MDGA2: variants seen among roughly 807,000 people sequenced by gnomAD.
The protein encoded by MDGA2 is MAM domain-containing glycosylphosphatidylinositol anchor protein 2.
A neutral mutation model predicts 117.8 loss-of-function variants in MDGA2; 40 were observed. That is an observed-to-expected ratio of 0.34 (90% CI 0.26 to 0.44). The LOEUF is 0.44. Ranked by LOEUF, MDGA2 falls within the 20% of genes least tolerant of loss-of-function variation. The pLI, the probability that MDGA2 is intolerant of heterozygous loss-of-function variation, is 1.00. For missense variants in MDGA2, 1,123 were observed against 1,250.6 expected (o/e 0.90, Z 1.54); for synonymous variants, 452 against 439.0 (o/e 1.03, Z -0.37).
chr14:47,642,436 C>T (rs917919061), intron 1 of MDGA2, among the ~76,000 whole-genome samples: 3 of 151,992 alleles, frequency 2.0e-5, no homozygotes, highest in Admixed American at 1.3e-4. Context: ...CAATAACATA[C>T]ATCCATTGAC....
chr14:47,294,414 A>T (rs2416037), intron 2 of MDGA2, among the ~76,000 whole-genome samples: 32,555 of 151,956 alleles, frequency 0.21, 4,359 homozygotes, highest in East Asian at 0.44. Flanking sequence ...GAATTTTTTT[A>T]AAAATAAATG....
chr14:47,268,715 C>A (rs1239562138), intron 2 of MDGA2, among the ~76,000 whole-genome samples: 1 of 152,084 alleles, frequency 6.6e-6, no homozygotes, highest in Non-Finnish European at 1.5e-5. Context: ...GTTTGGGTTG[C>A]ACAGTTATGT....
intron 1 of MDGA2, among the ~76,000 whole-genome samples, chr14:47,397,332 G>A (rs959163285): frequency 1.3e-5 from 2 of 152,160 alleles, no homozygotes; most frequent in Non-Finnish European, 2.9e-5. Flanking sequence ...GCCTGTCGGA[G>A]GGTGGGGACT....
At chr14:47,588,516 A>G (rs1896375667) in intron 1 of MDGA2, among the ~76,000 whole-genome samples, 2 of 151,830 alleles carry the variant, frequency 1.3e-5, no homozygotes, top group Admixed American at 6.6e-5. Flanking sequence ...GCCTATTAAC[A>G]ATCTGTGTAT....
intron 1 of MDGA2, among the ~76,000 whole-genome samples, chr14:47,649,975 TTAGTC>T (rs1396012105): frequency 6.6e-6 from 1 of 152,022 alleles, no homozygotes; most frequent in African/African-American, 2.4e-5. Context: ...TGGTCAAACT[TTAGTC>T]TAAGTGCTTC....
chr14:47,017,567 A>G (rs1594531273), intron 8 of MDGA2, among the ~76,000 whole-genome samples: 1 of 152,028 alleles, frequency 6.6e-6, no homozygotes, highest in East Asian at 1.9e-4. Context: ...ATTTATATAA[A>G]TATACGCAAT....
intron 8 of MDGA2, among the ~76,000 whole-genome samples, chr14:47,000,866 C>A (rs1298780371): frequency 6.6e-6 from 1 of 151,860 alleles, no homozygotes; most frequent in Non-Finnish European, 1.5e-5. Context: ...CTAAGTAATT[C>A]TTTGATTATT....
intron 6 of MDGA2, among the ~76,000 whole-genome samples, chr14:47,080,026 C>T (rs915438250): frequency 3.9e-5 from 6 of 152,096 alleles, no homozygotes; most frequent in Non-Finnish European, 7.4e-5. Flanking sequence ...CCACCGTGCC[C>T]GGCCTTTTCT....
intron 8 of MDGA2, among the ~76,000 whole-genome samples, chr14:46,975,136 C>T (rs1320800786): frequency 3.3e-5 from 5 of 152,058 alleles, no homozygotes; most frequent in South Asian, 4.1e-4. Flanking sequence ...ATTAAAACTA[C>T]AATGAGATGC....
intron 2 of MDGA2, among the ~76,000 whole-genome samples, chr14:47,255,984 C>G (rs1361459235): frequency 2.0e-5 from 3 of 152,004 alleles, no homozygotes; most frequent in Admixed American, 6.6e-5. Context: ...CTTCCCTTCC[C>G]CTACCCCACT....
chr14:47,291,762 A>T (rs146310212), intron 2 of MDGA2, among the ~76,000 whole-genome samples: 2,371 of 152,276 alleles, frequency 0.016, 24 homozygotes, highest in Middle Eastern at 0.027. Context: ...TCAAAGTAAG[A>T]TTTCTGCTGA....
At chr14:47,674,435 C>T in intron 1 of MDGA2, 82 bp downstream of exon 1, 5 of 1,236,610 alleles carry the variant, frequency 4.0e-6, no homozygotes, top group Middle Eastern at 1.9e-4. Context: ...GGCCCCGGAA[C>T]GGCGCGAGTC....
intron 1 of MDGA2, among the ~76,000 whole-genome samples, chr14:47,489,543 G>T (rs1372399676): frequency 6.6e-6 from 1 of 151,874 alleles, no homozygotes; most frequent in Non-Finnish European, 1.5e-5. Flanking sequence ...GCATAAACCA[G>T]GTAGTCAAAA....
intron 1 of MDGA2, among the ~76,000 whole-genome samples, chr14:47,671,107 TA>T (rs1475605041): frequency 3.3e-5 from 5 of 152,252 alleles, no homozygotes; most frequent in African/African-American, 7.2e-5. Context: ...AAATCCCACT[TA>T]AAAAATTTAT....
At chr14:47,347,931 A>G (rs908297746) in intron 1 of MDGA2, among the ~76,000 whole-genome samples, 14 of 152,178 alleles carry the variant, frequency 9.2e-5, no homozygotes, top group African/African-American at 2.9e-4. Flanking sequence ...GTGCTAGGAA[A>G]AGGTCAAGCA....
In MDGA2 at chr14:47,294,161, C is replaced by T. The variant is rs368143254; in HGVS notation, c.420+7250G>A. ...TTTTGCTCTTTCGCCCAGGCAAGAT[C>T]AGGGCTCAGTGCAGCCTTGACCTCC... On this transcript the variant is annotated intron_variant, in intron 2 of 16. Transcript: ENST00000399232. 3.6e-4 allele frequency among the ~76,000 whole-genome samples: 49 copies of T among 136,588 alleles called. No individual in the cohort carries two copies. The East Asian group carries it at 4.9e-3, about 14-fold the overall frequency. 89.6% of individuals were successfully genotyped at this position (136,588 alleles called of 152,430 possible).
intron 14 of MDGA2, among the ~76,000 whole-genome samples, chr14:46,862,391 T>TA (rs1274862964): frequency 6.7e-6 from 1 of 149,268 alleles, no homozygotes; most frequent in Non-Finnish European, 1.5e-5. Flanking sequence ...ATAGCCTGAT[T>TA]ATTATTTTAA....
At chr14:47,175,565 T>C (rs1041459767) in intron 3 of MDGA2, among the ~76,000 whole-genome samples, 33 of 152,012 alleles carry the variant, frequency 2.2e-4, no homozygotes, top group East Asian at 2.1e-3. Flanking sequence ...ATTATCTCAA[T>C]AGATGCAGAA....
At chr14:46,873,991 G>T (rs984494101) in intron 13 of MDGA2, 54 bp downstream of exon 13, 3 of 1,345,598 alleles carry the variant, frequency 2.2e-6, no homozygotes, top group Non-Finnish European at 3.0e-6. Flanking sequence ...CATATTTATA[G>T]CAGTTTTTAA....
Sources: gnomAD v4.1 joint callset for allele counts (sites outside exome capture counted in the v4.1 genomes callset) on GRCh38, gnomAD v4.1.1 for gene constraint, MANE v1.5 for transcripts, NCBI Gene and HGNC (gene_info 2026-07-23, HGNC 2026-07-21) for gene names.